The following C13orf42 variants were observed in gnomAD, a reference collection of about 807,000 sequenced individuals.
The protein encoded by C13orf42 is chromosome 13 open reading frame 42, also known as uncharacterized protein C13orf42.
intron 1 of C13orf42, among the ~76,000 whole-genome samples, chr13:51,093,625 G>T (rs1230577393): frequency 6.6e-6 from 1 of 152,184 alleles, no homozygotes; most frequent in Non-Finnish European, 1.5e-5. Context: ...GGCACACAGT[G>T]CATATTTTCC....
chr13:51,129,052 T>C (rs1349842804), intron 1 of C13orf42, among the ~76,000 whole-genome samples: 1 of 152,228 alleles, frequency 6.6e-6, no homozygotes, highest in African/African-American at 2.4e-5. Flanking sequence ...GTACCTGAGC[T>C]TTAATCATGC....
intron 1 of C13orf42, among the ~76,000 whole-genome samples, chr13:51,162,851 T>A (rs1417077147): frequency 1.3e-5 from 2 of 152,194 alleles, no homozygotes; most frequent in East Asian, 3.8e-4. Context: ...GGGCCTCTCC[T>A]CTTGGGTAGA....
chr13:51,100,087 CTA>C (rs1227765010), intron 1 of C13orf42, among the ~76,000 whole-genome samples: 1 of 151,568 alleles, frequency 6.6e-6, no homozygotes, highest in Admixed American at 6.6e-5. Context: ...GAAAACTTTG[CTA>C]TTCGGGAAAA....
At chr13:51,142,821 G>A (rs1593550120) in intron 1 of C13orf42, among the ~76,000 whole-genome samples, 1 of 151,950 alleles carries the variant, frequency 6.6e-6, no homozygotes. Flanking sequence ...AATCTTCTAT[G>A]GTAAATTTAG....
At chr13:51,138,651 G>T (rs770432818) in intron 1 of C13orf42, among the ~76,000 whole-genome samples, 4 of 152,184 alleles carry the variant, frequency 2.6e-5, no homozygotes, top group Non-Finnish European at 4.4e-5. Flanking sequence ...ATGCAAAATG[G>T]TATAGCTTCT....
At chr13:51,144,092 T>C (rs1953717857) in intron 1 of C13orf42, among the ~76,000 whole-genome samples, 1 of 152,138 alleles carries the variant, frequency 6.6e-6, no homozygotes, top group Admixed American at 6.5e-5. Flanking sequence ...GTTGTCTTGT[T>C]TTGGTCCTCT....
At chr13:51,164,607 C>T (rs1953891066) in intron 1 of C13orf42, among the ~76,000 whole-genome samples, 2 of 152,170 alleles carry the variant, frequency 1.3e-5, no homozygotes, top group South Asian at 4.1e-4. Flanking sequence ...CTGTAATAAG[C>T]TATGATTGCA....
At chr13:51,144,805 C>G (rs1409812658) in intron 1 of C13orf42, among the ~76,000 whole-genome samples, 1 of 152,176 alleles carries the variant, frequency 6.6e-6, no homozygotes, top group Non-Finnish European at 1.5e-5. Context: ...AGGGCTGGGC[C>G]TGGCTTTAGA....
chr13:51,141,238 T>G (rs979929614), intron 1 of C13orf42, among the ~76,000 whole-genome samples: 9 of 151,588 alleles, frequency 5.9e-5, no homozygotes, highest in Non-Finnish European at 1.2e-4. Flanking sequence ...GGTTTTTTTT[T>G]GTTTTTTTTT....
At chr13:51,142,227 A>G (rs749520600) in intron 1 of C13orf42, among the ~76,000 whole-genome samples, 2 of 152,268 alleles carry the variant, frequency 1.3e-5, no homozygotes, top group Non-Finnish European at 2.9e-5. Context: ...AAGAACTGTT[A>G]TCACCTTTGT....
At position 51,101,373 on chromosome 13, in the gene C13orf42, T is replaced by C. The variant is rs149284616; in HGVS notation, c.414+9423A>G. Reference sequence around the variant, plus strand: ...TCTGTGTGTTATGAATTTCATCTTATAAGCAAATATAACTTTATTATCAGA... The same window carrying C: ...TCTGTGTGTTATGAATTTCATCTTACAAGCAAATATAACTTTATTATCAGA... On this transcript the variant is annotated intron_variant, in intron 1 of 3. Transcript: ENST00000563710. 6.7e-3 allele frequency among the ~76,000 whole-genome samples: 1,017 copies of C among 152,338 alleles called. 17 individuals are homozygous for C. The highest frequency in any genetic ancestry group is 0.023 in the African/African-American group (960 of 41,572).
At chr13:51,166,096 TACATA>T (rs1225301720) in intron 1 of C13orf42, among the ~76,000 whole-genome samples, 1 of 152,196 alleles carries the variant, frequency 6.6e-6, no homozygotes, top group East Asian at 1.9e-4. Context: ...TGCTCTAACT[TACATA>T]ACATCAGTTA....
At position 51,083,375 on chromosome 13, in the gene C13orf42, C is replaced by T. The variant is rs1953085758; in HGVS notation, c.*776G>A. 1 of 152,130 alleles carries T rather than the reference C, an allele frequency of 6.6e-6. No individual in the cohort carries two copies. The highest frequency in any genetic ancestry group is 1.5e-5 in the Non-Finnish European group (1 of 68,026). The allele number at this position is 152,130 out of a possible 1,614,324, so 9.4% of individuals were successfully genotyped here. A position where few individuals can be genotyped will look rare whatever the true frequency, so the allele number is the denominator to read the frequency against. ...TAACTGGGGAAAGGGAAAGGTGTGG[C>T]CTGTCATAAACTGGTTCCATGGATA... is the stretch of plus-strand genomic sequence containing the variant. On this transcript the variant is annotated 3_prime_UTR_variant, in exon 4 of 4. Coordinates refer to ENST00000563710, the MANE Select transcript of C13orf42 (RefSeq NM_001351589.3).
rs1223378782 is a variant in C13orf42, at chr13:51,083,719, G to A, written c.*432C>T. 1 of 154,254 alleles carries A rather than the reference G, an allele frequency of 6.5e-6. No homozygotes were observed. The highest frequency in any genetic ancestry group is 1.4e-5 in the Non-Finnish European group (1 of 69,518). 9.6% of individuals were successfully genotyped at this position (154,254 alleles called of 1,614,324 possible). On this transcript the variant is annotated 3_prime_UTR_variant, in exon 4 of 4. Coordinates refer to ENST00000563710, the MANE Select transcript of C13orf42 (RefSeq NM_001351589.3). ...AGCATGTCTCTGAGCCTCATAGAAAGAGGAGCTACCTCTTTGAAGCTTTGG... is the reference window on the plus strand; with the variant it reads ...AGCATGTCTCTGAGCCTCATAGAAAAAGGAGCTACCTCTTTGAAGCTTTGG...
At chr13:51,156,900 G>C (rs1027014365) in intron 1 of C13orf42, among the ~76,000 whole-genome samples, 1 of 152,210 alleles carries the variant, frequency 6.6e-6, no homozygotes, top group Non-Finnish European at 1.5e-5. Context: ...TTGTTACCCA[G>C]TGCCATAGGT....
chr13:51,113,996 A>T (rs1188716795), upstream of C13orf42, among the ~76,000 whole-genome samples: 1 of 152,260 alleles, frequency 6.6e-6, no homozygotes, highest in African/African-American at 2.4e-5. Flanking sequence ...GACTTGTGTA[A>T]CAAAACTTGC....
intron 1 of C13orf42, among the ~76,000 whole-genome samples, chr13:51,096,067 T>C (rs1953232007): frequency 6.6e-6 from 1 of 152,238 alleles, no homozygotes; most frequent in South Asian, 2.1e-4. Context: ...GGGACTGTTG[T>C]TGCTATGGTT....
chr13:51,100,716 C>T (rs535348887), intron 1 of C13orf42, among the ~76,000 whole-genome samples: 35 of 151,982 alleles, frequency 2.3e-4, no homozygotes, highest in Non-Finnish European at 3.8e-4. Context: ...AACCCACTGT[C>T]GATGAAAAGC....
At chr13:51,121,043 A>G (rs1159021887) in intron 1 of C13orf42, among the ~76,000 whole-genome samples, 2 of 151,968 alleles carry the variant, frequency 1.3e-5, no homozygotes, top group Non-Finnish European at 2.9e-5. Flanking sequence ...GTCATAATAA[A>G]CCCTGACCTC....
Sources: gnomAD v4.1 joint callset for allele counts (sites outside exome capture counted in the v4.1 genomes callset) on GRCh38, gnomAD v4.1.1 for gene constraint, MANE v1.5 for transcripts, NCBI Gene and HGNC (gene_info 2026-07-23, HGNC 2026-07-21) for gene names.